Variants in UGT1A8 observed in about 807,000 individuals in gnomAD.
UGT1A8 encodes the protein UDP glucuronosyltransferase family 1 member A8, also known as UDP-glucuronosyltransferase 1A8.
Under a neutral mutation model 45.3 loss-of-function variants are expected in UGT1A8, and 39 were observed. The observed-to-expected ratio is 0.86, with a 90% CI of 0.67 to 1.12. UGT1A8 has a LOEUF of 1.12. UGT1A8 is among the 50% of genes most tolerant of loss of function. UGT1A8 has a pLI of 0.00. For missense variants in UGT1A8, 719 were observed against 664.9 expected, an observed-to-expected ratio of 1.08 and a Z score of -0.90; for synonymous variants, 275 against 249.2, an observed-to-expected ratio of 1.10 and a Z score of -0.97.
Position 233,654,995 on chromosome 2 carries a change from A to G in UGT1A8, c.855+36433A>G, listed in dbSNP as rs567910593. On this transcript the variant is annotated intron_variant, in intron 1 of 4. Coordinates refer to ENST00000373450, the MANE Select transcript of UGT1A8 (RefSeq NM_019076.5). The stretch of plus-strand genomic sequence containing the variant: ...AATCATAGCTACTCGAGTCTGAGGC[A>G]GAAGAATCACTTGAACCTGGAAGAT... Among the ~76,000 whole-genome samples, 36 of 152,310 alleles carry G rather than the reference A, an allele frequency of 2.4e-4. 1 individual carries two copies. The South Asian group carries it at 6.8e-3, about 29-fold the overall frequency.
rs560254383 is a variant in UGT1A8, at chr2:233,682,429, C to G, written c.855+63867C>G. On this transcript the variant is annotated intron_variant, in intron 1 of 4. Transcript: ENST00000373450. Reference sequence around the variant, plus strand: ...TTGTTGCCAAATATTTCTCCCTCCCCTCTGTGGTCTTCGCCAGGGGAATAT... The same window carrying G: ...TTGTTGCCAAATATTTCTCCCTCCCGTCTGTGGTCTTCGCCAGGGGAATAT... 4.3e-6 allele frequency: 7 copies of G among 1,613,794 alleles called. No individual in the cohort carries two copies. In the African/African-American group the frequency reaches 9.3e-5, roughly 22 times the overall value.
chr2:233,655,513 A>G (rs907474728), intron 1 of UGT1A8, among the ~76,000 whole-genome samples: 7 of 152,198 alleles, frequency 4.6e-5, no homozygotes, highest in African/African-American at 1.4e-4. Flanking sequence ...GTCATTTCCA[A>G]TGGGTGACAA....
intron 1 of UGT1A8, chr2:233,636,488 G>C (rs1351449388): frequency 6.3e-7 from 1 of 1,593,086 alleles, no homozygotes; most frequent in East Asian, 2.2e-5. Context: ...TAGCAGCTTA[G>C]AATCCCAGCT....
At chr2:233,670,059 G>T (rs952623425) in intron 1 of UGT1A8, among the ~76,000 whole-genome samples, 1 of 152,164 alleles carries the variant, frequency 6.6e-6, no homozygotes, top group Non-Finnish European at 1.5e-5. Flanking sequence ...ACCAATAACA[G>T]AAACAGTTGC....
rs564101757 is a variant in UGT1A8, at chr2:233,734,503, C to G, written c.856-32531C>G. On this transcript the variant is annotated intron_variant, in intron 1 of 4. Transcript: ENST00000373450. ...GATTTTTTTGAAGGTTTTTTTGTGTCTCTATCTCTTTCAGTTCTGCTCTGA... is the reference window on the plus strand; with the variant it reads ...GATTTTTTTGAAGGTTTTTTTGTGTGTCTATCTCTTTCAGTTCTGCTCTGA... Among the ~76,000 whole-genome samples the G allele has an allele frequency of 2.0e-5, 3 of 152,124 alleles. No homozygotes were observed. The South Asian group carries it at 6.2e-4, about 32-fold the overall frequency.
At chr2:233,734,338 G>T (rs2078513080) in intron 1 of UGT1A8, among the ~76,000 whole-genome samples, 1 of 152,096 alleles carries the variant, frequency 6.6e-6, no homozygotes, top group Non-Finnish European at 1.5e-5. Context: ...TTCTCTGATG[G>T]TAGTTTGTAT....
At chr2:233,681,948 C>G (rs896900111) in intron 1 of UGT1A8, 2 of 1,613,230 alleles carry the variant, frequency 1.2e-6, no homozygotes. Flanking sequence ...ATGGCTCGTG[C>G]AGGGTGGACT....
intron 1 of UGT1A8, among the ~76,000 whole-genome samples, chr2:233,652,705 G>C (rs1395899442): frequency 6.6e-6 from 1 of 152,204 alleles, no homozygotes; most frequent in Non-Finnish European, 1.5e-5. Context: ...GTGGTGCCAA[G>C]ACTGTTCAAA....
chr2:233,642,991 G>T (rs1191978447), intron 1 of UGT1A8, among the ~76,000 whole-genome samples: 12 of 152,152 alleles, frequency 7.9e-5, no homozygotes, highest in African/African-American at 2.7e-4. Flanking sequence ...GACTGTGCTG[G>T]ATCAGACCTG....
At chr2:233,698,678 A>G (rs1465077839) in intron 1 of UGT1A8, among the ~76,000 whole-genome samples, 1 of 152,248 alleles carries the variant, frequency 6.6e-6, no homozygotes, top group East Asian at 1.9e-4. Context: ...CAACTATAAA[A>G]CAAATACATT....
chr2:233,636,743 T>G (rs183653000), intron 1 of UGT1A8: 13 of 1,614,176 alleles, frequency 8.1e-6, no homozygotes, highest in Admixed American at 6.7e-5. Context: ...AATTGCACAG[T>G]GAAGACTTAC....
chr2:233,709,781 G>T (rs2076092056), intron 1 of UGT1A8, among the ~76,000 whole-genome samples: 4 of 152,082 alleles, frequency 2.6e-5, no homozygotes, highest in Admixed American at 2.6e-4. Flanking sequence ...GCAATAAAGT[G>T]CACCGTTTTA....
At chr2:233,623,873 G>A (rs2073053382) in intron 1 of UGT1A8, among the ~76,000 whole-genome samples, 1 of 152,172 alleles carries the variant, frequency 6.6e-6, no homozygotes, top group Admixed American at 6.5e-5. Context: ...AAGACCATTT[G>A]CAGAGATCAT....
At chr2:233,649,858 C>G (rs1484873894) in intron 1 of UGT1A8, among the ~76,000 whole-genome samples, 2 of 152,160 alleles carry the variant, frequency 1.3e-5, no homozygotes, top group African/African-American at 2.4e-5. Flanking sequence ...GACTGGATCA[C>G]TTTCATCTCT....
chr2:233,750,385 TG>T (rs1415350157), intron 1 of UGT1A8, among the ~76,000 whole-genome samples: 2 of 151,950 alleles, frequency 1.3e-5, no homozygotes, highest in Non-Finnish European at 2.9e-5. Flanking sequence ...CATAAAAGTT[TG>T]GAAAATTTGC....
intron 1 of UGT1A8, among the ~76,000 whole-genome samples, chr2:233,695,066 C>A (rs575360718): frequency 1.3e-5 from 2 of 152,204 alleles, no homozygotes; most frequent in African/African-American, 4.8e-5. Flanking sequence ...TGTGCTATCG[C>A]ACTTTGGACT....
Position 233,672,208 on chromosome 2 carries a change from G to C in UGT1A8, c.855+53646G>C, listed in dbSNP as rs1559334155. The stretch of plus-strand genomic sequence containing the variant: ...GGAGGATCTGGACCGGGAGTTCAAG[G>C]CTTTTGCCCATGCTCAATGGAAAGC... On this transcript the variant is annotated intron_variant, in intron 1 of 4. Transcript: ENST00000373450. 1 of 1,614,156 alleles carries C rather than the reference G, an allele frequency of 6.2e-7. No homozygotes were observed. Among genetic ancestry groups the C allele is most frequent in the Admixed American group, 1.7e-5 (1 of 60,022 alleles).
intron 1 of UGT1A8, among the ~76,000 whole-genome samples, chr2:233,658,037 G>C (rs947662456): frequency 5.7e-5 from 4 of 69,686 alleles, no homozygotes; most frequent in South Asian, 8.6e-4. Context: ...TTTTTTTTTT[G>C]AGACAAAGTG....
chr2:233,690,304 A>G (rs2074984159), intron 1 of UGT1A8, among the ~76,000 whole-genome samples: 1 of 152,144 alleles, frequency 6.6e-6, no homozygotes, highest in Admixed American at 6.5e-5. Flanking sequence ...TCCTGGCTCC[A>G]TTACTTATGG....
Sources: allele counts gnomAD v4.1 joint callset (sites outside exome capture counted in the v4.1 genomes callset), GRCh38; gene constraint gnomAD v4.1.1; transcripts MANE v1.5; gene names NCBI Gene and HGNC (gene_info 2026-07-23, HGNC 2026-07-21).